Variants in FBXO11 observed in about 807,000 individuals in gnomAD.
FBXO11 encodes F-box only protein 11.
Under a neutral mutation model 117.0 loss-of-function variants are expected in FBXO11, and 13 were observed. The ratio of observed to expected loss-of-function variants is 0.11; its 90% CI spans 0.07 to 0.18. The LOEUF is 0.18. Ranked by LOEUF, FBXO11 falls within the 10% of genes least tolerant of loss-of-function variation. The pLI is 1.00. For synonymous variants in FBXO11, 490 were observed against 380.5 expected, an observed-to-expected ratio of 1.29 and a Z score of -3.35; for missense variants, 767 against 1,164.4, an observed-to-expected ratio of 0.66 and a Z score of 4.97.
rs976823452 is a variant in FBXO11 at position 47,884,817 on chromosome 2, C to A, written c.232+20672G>T. ...TAATCAGAAAAACACGGATTCTAAT[C>A]CTAAGGTTGCCAATTACTAACTCTT... On this transcript the variant is annotated intron_variant, in intron 1 of 22. Transcript: ENST00000403359. Among the ~76,000 whole-genome samples, 56 of 151,490 alleles carry A rather than the reference C, an allele frequency of 3.7e-4. 1 individual carries two copies. Among genetic ancestry groups the A allele is most frequent in the Admixed American group, 3.9e-4 (6 of 15,252 alleles).
At chr2:47,862,413 A>T (rs984380894) in intron 1 of FBXO11, among the ~76,000 whole-genome samples, 5 of 152,228 alleles carry the variant, frequency 3.3e-5, no homozygotes, top group African/African-American at 1.2e-4. Context: ...GGAAAGGAAA[A>T]TGAAAATAAG....
intron 1 of FBXO11, among the ~76,000 whole-genome samples, chr2:47,865,606 T>C (rs1393970806): frequency 6.6e-6 from 1 of 152,248 alleles, no homozygotes; most frequent in Non-Finnish European, 1.5e-5. Context: ...TTCTATCTTG[T>C]TAAACAACTG....
chr2:47,830,362 T>A (rs898314302), intron 11 of FBXO11, among the ~76,000 whole-genome samples: 1 of 151,746 alleles, frequency 6.6e-6, no homozygotes, highest in Non-Finnish European at 1.5e-5. Flanking sequence ...AGCTACAATA[T>A]CCATAAGGCG....
Position 47,807,679 on chromosome 2 carries a change from AT to A in FBXO11, c.*438del, listed in dbSNP as rs199622302. On this transcript the variant is annotated 3_prime_UTR_variant, in exon 23 of 23. Transcript: ENST00000403359. Reference sequence around the variant, plus strand: ...TCTGAATACATGTTAAAAAAAAAAAATCAAAAGGAACGCAGAAGTGCTAGCT... The same window carrying A: ...TCTGAATACATGTTAAAAAAAAAAAACAAAAGGAACGCAGAAGTGCTAGCT... The A allele has an allele frequency of 1.2e-3, 274 of 220,942 alleles. 1 individual carries two copies. Among genetic ancestry groups the A allele is most frequent in the African/African-American group, 5.9e-3 (257 of 43,476 alleles). The allele number at this position is 220,942 out of a possible 1,614,324, so 13.7% of individuals were successfully genotyped here. A position where few individuals can be genotyped will look rare whatever the true frequency, so the allele number is the denominator to read the frequency against.
At chr2:47,889,977 G>A (rs1369955194) in intron 1 of FBXO11, among the ~76,000 whole-genome samples, 1 of 152,106 alleles carries the variant, frequency 6.6e-6, no homozygotes, top group Non-Finnish European at 1.5e-5. Context: ...AGAATTTTAT[G>A]CTACAGTCGC....
intron 1 of FBXO11, among the ~76,000 whole-genome samples, chr2:47,876,347 C>T (rs1572889282): frequency 6.6e-6 from 1 of 152,098 alleles, no homozygotes; most frequent in Non-Finnish European, 1.5e-5. Flanking sequence ...TTTGCCAATT[C>T]TTTGTTTGCC....
chr2:47,889,925 T>C (rs1176688145), intron 1 of FBXO11, among the ~76,000 whole-genome samples: 1 of 152,196 alleles, frequency 6.6e-6, no homozygotes, highest in Admixed American at 6.5e-5. Context: ...AGCAAAACAT[T>C]TGTACGTATT....
chr2:47,904,065 T>C (rs1301025868), intron 1 of FBXO11, among the ~76,000 whole-genome samples: 1 of 152,244 alleles, frequency 6.6e-6, no homozygotes, highest in Non-Finnish European at 1.5e-5. Context: ...GAAAGCCTTT[T>C]AAACTATTTT....
chr2:47,891,385 T>C (rs981998108), intron 1 of FBXO11, among the ~76,000 whole-genome samples: 2 of 152,246 alleles, frequency 1.3e-5, no homozygotes, highest in African/African-American at 2.4e-5. Context: ...CATGCAGTAT[T>C]TGTCTGTGAT....
At chr2:47,884,598 A>C (rs1361354075) in intron 1 of FBXO11, among the ~76,000 whole-genome samples, 2 of 152,222 alleles carry the variant, frequency 1.3e-5, no homozygotes, top group African/African-American at 4.8e-5. Context: ...TATGATTATT[A>C]ATTGTGTGTA....
At chr2:47,842,501 G>GA (rs928676213) in intron 1 of FBXO11, among the ~76,000 whole-genome samples, 2 of 152,136 alleles carry the variant, frequency 1.3e-5, no homozygotes, top group African/African-American at 4.8e-5. Flanking sequence ...AAAAAGGGGG[G>GA]AGAGTTTGTA....
rs892356921 is a variant in FBXO11, at chr2:47,906,365, G to A, written c.-645C>T. Among the ~76,000 whole-genome samples the A allele has an allele frequency of 2.0e-5, 3 of 152,134 alleles. No individual in the cohort carries two copies. The highest frequency in any genetic ancestry group is 2.9e-5 in the Non-Finnish European group (2 of 68,000). ...TGAGTGTGAAGGGAGGAGATAGGGG[G>A]AAAAAGAGGCGTCGTCCTTCCTCCT... On this transcript the variant is annotated 5_prime_UTR_variant, in exon 1 of 23. Coordinates refer to ENST00000403359, the MANE Select transcript of FBXO11 (RefSeq NM_001190274.2).
At chr2:47,875,138 C>T (rs558184756) in intron 1 of FBXO11, among the ~76,000 whole-genome samples, 3 of 151,958 alleles carry the variant, frequency 2.0e-5, no homozygotes, top group East Asian at 1.9e-4. Flanking sequence ...GACAATGTTC[C>T]GTATCTGTGC....
At chr2:47,863,730 C>T (rs1674970493) in intron 1 of FBXO11, among the ~76,000 whole-genome samples, 1 of 152,082 alleles carries the variant, frequency 6.6e-6, no homozygotes, top group African/African-American at 2.4e-5. Flanking sequence ...CACTTGAAGT[C>T]AGGAGTTTGA....
chr2:47,845,469 A>G (rs1420992903), intron 1 of FBXO11, among the ~76,000 whole-genome samples: 1 of 152,180 alleles, frequency 6.6e-6, no homozygotes, highest in Non-Finnish European at 1.5e-5. Context: ...CTGAGAATCA[A>G]GTACAGTGCC....
At chr2:47,888,781 T>G in intron 1 of FBXO11, 1 of 332,740 alleles carries the variant, frequency 3.0e-6, no homozygotes, top group Non-Finnish European at 4.3e-6. Flanking sequence ...GAACCTCAAC[T>G]GTAGCCCCTA....
intron 16 of FBXO11, among the ~76,000 whole-genome samples, chr2:47,814,873 T>A (rs1670899974): frequency 6.6e-6 from 1 of 152,192 alleles, no homozygotes; most frequent in Non-Finnish European, 1.5e-5. Context: ...TCTAAATCCT[T>A]TGTCTTCATT....
intron 21 of FBXO11, chr2:47,808,630 A>G: frequency 2.0e-6 from 1 of 493,306 alleles, no homozygotes; most frequent in Non-Finnish European, 3.5e-6. Context: ...GGGAAGAGAA[A>G]TGATTTGTAA....
chr2:47,820,620 G>A (rs1001480187), intron 13 of FBXO11, among the ~76,000 whole-genome samples, 164 bp from the exon 14 acceptor site: 18 of 152,308 alleles, frequency 1.2e-4, no homozygotes, highest in Middle Eastern at 6.8e-3. Context: ...AGAGCTGCAG[G>A]CAGTATAGTA....
Sources: gnomAD v4.1 joint callset for allele counts (sites outside exome capture counted in the v4.1 genomes callset) on GRCh38, gnomAD v4.1.1 for gene constraint, MANE v1.5 for transcripts, NCBI Gene and HGNC (gene_info 2026-07-23, HGNC 2026-07-21) for gene names.